Variants in ARID2 observed in about 807,000 individuals in gnomAD.
ARID2 encodes AT-rich interaction domain 2, also known as AT-rich interactive domain-containing protein 2.
A neutral mutation model predicts 184.6 loss-of-function variants in ARID2; 32 were observed. That is an observed-to-expected ratio of 0.17 (90% CI 0.13 to 0.23). The LOEUF is 0.23. Among genes scored for constraint, ARID2 ranks in the 10% least tolerant of loss-of-function variants. The pLI is 1.00. For synonymous variants in ARID2, 836 were observed against 772.6 expected (o/e 1.08, Z -1.36); for missense variants, 1,696 against 2,197.6 (o/e 0.77, Z 4.56).
chr12:45,839,628 T>G, intron 11 of ARID2, 132 bp downstream of exon 11: 1 of 998,480 alleles, frequency 1.0e-6, no homozygotes. Context: ...AATTTGGATA[T>G]GTACTCTAAT....
intron 11 of ARID2, chr12:45,840,500 TA>T (rs1943324588): frequency 6.6e-6 from 1 of 152,200 alleles, no homozygotes; most frequent in African/African-American, 2.4e-5. Context: ...CATGTTCCCA[TA>T]TCTTAAATCT....
At chr12:45,771,417 T>G (rs1941874133) in intron 3 of ARID2, among the ~76,000 whole-genome samples, 1 of 149,932 alleles carries the variant, frequency 6.7e-6, no homozygotes, top group African/African-American at 2.5e-5. Flanking sequence ...GAAATCCCAG[T>G]ACCTTGGGAA....
At chr12:45,865,940 A>T (rs549687876) in intron 16 of ARID2, among the ~76,000 whole-genome samples, 44 of 152,278 alleles carry the variant, frequency 2.9e-4, no homozygotes, top group Non-Finnish European at 2.6e-4. Flanking sequence ...TTAAAATTAT[A>T]TTTCTAGCTT....
At chr12:45,793,177 A>G (rs1281338452) in intron 3 of ARID2, among the ~76,000 whole-genome samples, 1 of 151,962 alleles carries the variant, frequency 6.6e-6, no homozygotes, top group Non-Finnish European at 1.5e-5. Flanking sequence ...TTGGGCACCT[A>G]TAATCCCAGT....
At chr12:45,870,080 G>T (rs1172093882) in intron 16 of ARID2, among the ~76,000 whole-genome samples, 1 of 151,832 alleles carries the variant, frequency 6.6e-6, no homozygotes, top group Non-Finnish European at 1.5e-5. Context: ...CCGCCTCCTG[G>T]GTTCACGCCA....
At chr12:45,900,424 G>A (rs1012554646) in intron 20 of ARID2, among the ~76,000 whole-genome samples, 4 of 152,030 alleles carry the variant, frequency 2.6e-5, no homozygotes, top group African/African-American at 9.7e-5. Flanking sequence ...GGCTTTTTAC[G>A]GGCCTAATAC....
intron 3 of ARID2, among the ~76,000 whole-genome samples, chr12:45,771,642 T>C (rs1941878577): frequency 6.6e-6 from 1 of 151,642 alleles, no homozygotes; most frequent in South Asian, 2.1e-4. Context: ...CACTGTACGC[T>C]AGCCTGGGCA....
At chr12:45,836,081 G>A (rs1313642749) in intron 6 of ARID2, among the ~76,000 whole-genome samples, 2 of 152,000 alleles carry the variant, frequency 1.3e-5, no homozygotes, top group East Asian at 1.9e-4. Context: ...TTTTATATAA[G>A]TATCTGAAAC....
chr12:45,770,050 C>T (rs371831750), intron 3 of ARID2, among the ~76,000 whole-genome samples: 4 of 151,934 alleles, frequency 2.6e-5, no homozygotes, highest in African/African-American at 4.8e-5. Context: ...GTCAGGAGAT[C>T]GAGACCATCC....
chr12:45,741,473 A>G (rs1941255689), intron 3 of ARID2, among the ~76,000 whole-genome samples: 1 of 152,228 alleles, frequency 6.6e-6, no homozygotes, highest in African/African-American at 2.4e-5. Context: ...TTAGGATTAC[A>G]GGCATGAGCC....
intron 16 of ARID2, among the ~76,000 whole-genome samples, chr12:45,871,281 C>G (rs1943922191): frequency 1.3e-5 from 2 of 152,082 alleles, no homozygotes; most frequent in Admixed American, 1.3e-4. Flanking sequence ...AGATATTTAA[C>G]CCATTTTTAA....
intron 3 of ARID2, among the ~76,000 whole-genome samples, chr12:45,758,116 G>A (rs984455796): frequency 6.6e-6 from 1 of 152,176 alleles, no homozygotes; most frequent in Non-Finnish European, 1.5e-5. Flanking sequence ...GATGCTTACA[G>A]TTTCTCGACA....
chr12:45,745,836 A>C (rs1189691500), intron 3 of ARID2, among the ~76,000 whole-genome samples: 1 of 152,132 alleles, frequency 6.6e-6, no homozygotes, highest in Non-Finnish European at 1.5e-5. Flanking sequence ...GGCATGAGCC[A>C]CTGCGCCTGG....
chr12:45,892,080 C>A lies in ARID2; in HGVS notation c.5131C>A (p.Gln1711Lys). Reference sequence around the variant, plus strand: ...AGATGAACCAGGACAAGCAGGAAGTCAGAAGTCTTCTACCAAGTAAGGAAA... The same window carrying A: ...AGATGAACCAGGACAAGCAGGAAGTAAGAAGTCTTCTACCAAGTAAGGAAA... The part of the protein sequence containing the change: ...KQDEPGQAGS[Q>K]KSSTKQPTVG... The change falls in exon 18 of 21, where the codon CAG becomes AAG. Residue 1711 changes from glutamine (Q) to lysine (K), a missense_variant. Coordinates refer to ENST00000334344, the MANE Select transcript of ARID2 (RefSeq NM_152641.4). 2 of 1,613,836 alleles carry A rather than the reference C, an allele frequency of 1.2e-6. No homozygotes were observed. The highest frequency in any genetic ancestry group is 2.2e-5 in the South Asian group (2 of 91,012).
intron 20 of ARID2, among the ~76,000 whole-genome samples, chr12:45,895,940 TAAAG>T (rs1255669346): frequency 7.2e-5 from 11 of 152,194 alleles, no homozygotes; most frequent in Admixed American, 7.2e-4. Context: ...TGAAAGAAAT[TAAAG>T]AATATATAAA....
intron 5 of ARID2, among the ~76,000 whole-genome samples, chr12:45,818,171 A>G (rs777927699): frequency 7.9e-5 from 12 of 152,182 alleles, no homozygotes; most frequent in Non-Finnish European, 1.3e-4. Flanking sequence ...AGATTTTGAC[A>G]AAGAAAACTA....
intron 4 of ARID2, among the ~76,000 whole-genome samples, chr12:45,817,331 G>A (rs1942820252): frequency 6.6e-6 from 1 of 152,022 alleles, no homozygotes; most frequent in Admixed American, 6.6e-5. Context: ...TCCATCCTGG[G>A]CAACAGAGCC....
intron 3 of ARID2, among the ~76,000 whole-genome samples, chr12:45,810,180 A>G (rs1315930600): frequency 6.6e-6 from 1 of 152,216 alleles, no homozygotes; most frequent in Non-Finnish European, 1.5e-5. Context: ...AGTAACAGCT[A>G]TGTTAGAATA....
At chr12:45,803,592 T>C (rs1267838117) in intron 3 of ARID2, among the ~76,000 whole-genome samples, 1 of 152,174 alleles carries the variant, frequency 6.6e-6, no homozygotes, top group Non-Finnish European at 1.5e-5. Flanking sequence ...TGTGGGGGCA[T>C]GTAAATTTAT....
Sources: gnomAD v4.1 joint callset for allele counts (sites outside exome capture counted in the v4.1 genomes callset) on GRCh38, gnomAD v4.1.1 for gene constraint, MANE v1.5 for transcripts, NCBI Gene and HGNC (gene_info 2026-07-23, HGNC 2026-07-21) for gene names.